The following SCGB2B2 variants were observed in gnomAD, a reference collection of about 807,000 sequenced individuals.
The protein encoded by SCGB2B2 is secretoglobin family 2B member 2.
In SCGB2B2, 11 loss-of-function variants were observed where a neutral mutation model predicts 7.6. That is an observed-to-expected ratio of 1.45 (90% CI 0.91 to 2.40). The LOEUF (loss-of-function observed/expected upper bound fraction) is 2.40, where lower values mean the gene tolerates loss of function less well. Ranked by LOEUF, SCGB2B2 falls within the 30% of genes most tolerant of loss-of-function variation. The pLI, the probability that SCGB2B2 is intolerant of heterozygous loss-of-function variation, is 0.00. For synonymous variants in SCGB2B2, 50 were observed against 48.6 expected, an observed-to-expected ratio of 1.03 and a Z score of -0.12; for missense variants, 104 against 115.4, an observed-to-expected ratio of 0.90 and a Z score of 0.45.
In SCGB2B2 at chr19:34,659,900, T is replaced by C. The variant is rs1370099087; in HGVS notation, c.-2032+15730A>G. Among the ~76,000 whole-genome samples the C allele has an allele frequency of 3.9e-5, 6 of 152,172 alleles. No homozygotes were observed. The East Asian group carries it at 1.2e-3, about 29-fold the overall frequency. On this transcript the variant is annotated intron_variant, in intron 1 of 3. Transcript: ENST00000601241. ...CTGACTTTATACTACAATGCTACAGTAACCAAAATAGCATGGTACTGGTAG... is the reference window on the plus strand; with the variant it reads ...CTGACTTTATACTACAATGCTACAGCAACCAAAATAGCATGGTACTGGTAG...
chr19:34,624,998 CTGA>C, intron 1 of SCGB2B2, among the ~76,000 whole-genome samples: 1 of 152,346 alleles, frequency 6.6e-6, no homozygotes, highest in South Asian at 2.1e-4. Context: ...ACTCATCTTT[CTGA>C]TGTTTCCTTT....
intron 1 of SCGB2B2, among the ~76,000 whole-genome samples, chr19:34,631,356 C>A (rs2066529407): frequency 7.2e-6 from 1 of 138,790 alleles, no homozygotes; most frequent in Non-Finnish European, 1.5e-5. Context: ...TATCGTTAGT[C>A]TTAGTATATT....
intron 1 of SCGB2B2, chr19:34,608,606 C>T (rs371031277): frequency 2.8e-5 from 4 of 140,436 alleles, no homozygotes; most frequent in South Asian, 2.3e-4. Context: ...CAAGTTAATC[C>T]ATGTTGATGC....
intron 1 of SCGB2B2, among the ~76,000 whole-genome samples, chr19:34,623,859 G>C (rs369933471): frequency 6.6e-6 from 1 of 152,132 alleles, no homozygotes; most frequent in South Asian, 2.1e-4. Context: ...AAAAATATAA[G>C]GATTAAATGG....
rs1326588716 is a variant in SCGB2B2 at position 34,593,523 on chromosome 19, G to A, written c.*32C>T. ...GCGGGGAGCCCCAAGGAAGGCAGGAGGGCCAATATCTGATCTGCAGGGGTC... is the reference window on the plus strand; with the variant it reads ...GCGGGGAGCCCCAAGGAAGGCAGGAAGGCCAATATCTGATCTGCAGGGGTC... On this transcript the variant is annotated 3_prime_UTR_variant, in exon 4 of 4. Transcript: ENST00000601241. 2.0e-6 allele frequency: 3 copies of A among 1,530,196 alleles called. No individual in the cohort carries two copies. The highest frequency in any genetic ancestry group is 2.0e-5 in the Admixed American group (1 of 50,944). The allele number at this position is 1,530,196 out of a possible 1,614,324, so 94.8% of individuals were successfully genotyped here. A position where few individuals can be genotyped will look rare whatever the true frequency, so the allele number is the denominator to read the frequency against.
intron 1 of SCGB2B2, among the ~76,000 whole-genome samples, chr19:34,639,059 C>A (rs73040301): frequency 6.6e-6 from 1 of 152,114 alleles, no homozygotes; most frequent in Admixed American, 6.5e-5. Flanking sequence ...TCCTGAAAGC[C>A]GTATCCTTTT....
At chr19:34,612,127 T>A (rs1437477141) in intron 1 of SCGB2B2, among the ~76,000 whole-genome samples, 1 of 144,942 alleles carries the variant, frequency 6.9e-6, no homozygotes, top group East Asian at 2.2e-4. Flanking sequence ...AATATCCGCC[T>A]CCTGGATTCA....
Position 34,594,610 on chromosome 19 carries a change from T to C in SCGB2B2, c.-47A>G. 6.6e-7 allele frequency: 1 copy of C among 1,504,532 alleles called. No individual in the cohort carries two copies. The highest frequency in any genetic ancestry group is 9.2e-7 in the Non-Finnish European group (1 of 1,082,916). The allele number at this position is 1,504,532 out of a possible 1,614,324, so 93.2% of individuals were successfully genotyped here. On this transcript the variant is annotated 5_prime_UTR_variant, in exon 2 of 4. Transcript: ENST00000601241. ...CAGGCACAGGCAGGGAATTTGGCGA[T>C]GGGTGAGCTTTATGTATATCTGAAC...
At chr19:34,671,999 G>C (rs1051814206) in intron 1 of SCGB2B2, among the ~76,000 whole-genome samples, 3 of 152,138 alleles carry the variant, frequency 2.0e-5, no homozygotes, top group Non-Finnish European at 4.4e-5. Flanking sequence ...GTAAAAGCTG[G>C]TTGTGGTGGT....
rs538763529 is a variant in SCGB2B2 at position 34,617,680 on chromosome 19, G to A, written c.-2031-21086C>T. On this transcript the variant is annotated intron_variant, in intron 1 of 3. Transcript: ENST00000601241. ...TTCCTAACTGAATACCCTTTATTTC[G>A]TTCTTCTGCCTCATTGCCCTGGCTA... is the stretch of plus-strand genomic sequence containing the variant. 1.8e-4 allele frequency among the ~76,000 whole-genome samples: 27 copies of A among 152,190 alleles called. No homozygotes were observed. In the South Asian group the frequency reaches 4.8e-3, roughly 27 times the overall value.
chr19:34,660,269 C>T (rs2067414819), intron 1 of SCGB2B2, among the ~76,000 whole-genome samples: 1 of 152,110 alleles, frequency 6.6e-6, no homozygotes, highest in Non-Finnish European at 1.5e-5. Context: ...GCAACAAAAG[C>T]CAAAATAGAC....
chr19:34,669,011 C>G (rs982332557), intron 1 of SCGB2B2, among the ~76,000 whole-genome samples: 1 of 152,152 alleles, frequency 6.6e-6, no homozygotes, highest in African/African-American at 2.4e-5. Flanking sequence ...TACAATAAAT[C>G]TTGCTACTGC....
chr19:34,592,145 C>T lies in SCGB2B2; in HGVS notation c.*1410G>A, dbSNP rs979726094. 2.6e-4 allele frequency among the ~76,000 whole-genome samples: 39 copies of T among 151,854 alleles called. No individual in the cohort carries two copies. The highest frequency in any genetic ancestry group is 2.0e-3 in the Admixed American group (31 of 15,250). ...GAAACGTGTGACCTGGAGGAGATGA[C>T]GGCTGAGGGATGACAAGGAGAATGG... On this transcript the variant is annotated 3_prime_UTR_variant, in exon 4 of 4. Transcript: ENST00000601241.
chr19:34,599,954 G>C (rs973760640), intron 1 of SCGB2B2, among the ~76,000 whole-genome samples: 7 of 152,076 alleles, frequency 4.6e-5, no homozygotes, highest in African/African-American at 1.7e-4. Context: ...CTCACAATGC[G>C]CCCTCCAGTT....
At chr19:34,659,435 CAA>C (rs2067387068) in intron 1 of SCGB2B2, among the ~76,000 whole-genome samples, 1 of 152,202 alleles carries the variant, frequency 6.6e-6, no homozygotes, top group African/African-American at 2.4e-5. Flanking sequence ...GCAACTTCAG[CAA>C]AGTCTCAGGA....
At chr19:34,604,338 G>A (rs1162794641) in intron 1 of SCGB2B2, among the ~76,000 whole-genome samples, 1 of 152,188 alleles carries the variant, frequency 6.6e-6, no homozygotes, top group Admixed American at 6.5e-5. Context: ...GTCACTATGA[G>A]ATTACCTTTT....
downstream of SCGB2B2, among the ~76,000 whole-genome samples, chr19:34,589,345 G>C (rs1460664701): frequency 6.6e-6 from 1 of 152,046 alleles, no homozygotes; most frequent in East Asian, 1.9e-4. Context: ...GAGTGGCTCA[G>C]AGCCAGGGCA....
intron 1 of SCGB2B2, among the ~76,000 whole-genome samples, chr19:34,659,708 A>G (rs889380164): frequency 1.3e-5 from 2 of 152,250 alleles, no homozygotes; most frequent in African/African-American, 4.8e-5. Context: ...AAATGGCCAT[A>G]CTGCCCAAGG....
At chr19:34,608,234 C>A (rs187437978) in intron 1 of SCGB2B2, among the ~76,000 whole-genome samples, 51 of 151,930 alleles carry the variant, frequency 3.4e-4, no homozygotes, top group Admixed American at 2.2e-3. Context: ...AATGTAATTG[C>A]CTTCTTATTT....
Sources: gnomAD v4.1 joint callset for allele counts (sites outside exome capture counted in the v4.1 genomes callset) on GRCh38, gnomAD v4.1.1 for gene constraint, MANE v1.5 for transcripts, NCBI Gene and HGNC (gene_info 2026-07-23, HGNC 2026-07-21) for gene names.